Variants in TRPC4AP observed in about 807,000 individuals in gnomAD.
TRPC4AP encodes transient receptor potential cation channel subfamily C member 4 associated protein, also known as short transient receptor potential channel 4-associated protein.
In TRPC4AP, 45 loss-of-function variants were observed where a neutral mutation model predicts 99.0. The observed-to-expected ratio is 0.45, with a 90% CI of 0.36 to 0.58. The LOEUF (loss-of-function observed/expected upper bound fraction) is 0.58, where lower values mean the gene tolerates loss of function less well. TRPC4AP is among the 20% of genes least tolerant of loss of function. TRPC4AP has a pLI of 0.00. For synonymous variants in TRPC4AP, 408 were observed against 385.8 expected (o/e 1.06, Z -0.67); for missense variants, 879 against 985.3 (o/e 0.89, Z 1.44).
At chr20:35,085,600 G>C (rs1227459148) in intron 1 of TRPC4AP, among the ~76,000 whole-genome samples, 2 of 120,862 alleles carry the variant, frequency 1.7e-5, no homozygotes, top group Non-Finnish European at 3.3e-5. Context: ...AACAGAGCAA[G>C]ACCCTGTCTA....
chr20:35,062,610 T>C (rs895414510), intron 3 of TRPC4AP, among the ~76,000 whole-genome samples: 2 of 152,234 alleles, frequency 1.3e-5, no homozygotes, highest in Admixed American at 6.5e-5. Flanking sequence ...ACTCCATTTA[T>C]GTGAAATGTC....
At chr20:35,021,421 A>C in intron 8 of TRPC4AP, 65 bp from the exon 9 acceptor site, 3 of 1,569,624 alleles carry the variant, frequency 1.9e-6, no homozygotes, top group Middle Eastern at 2.2e-4. Context: ...CTGCCCCTCG[A>C]ACCTGCTCTG....
At chr20:35,007,280 A>G (rs1033406090) in intron 14 of TRPC4AP, among the ~76,000 whole-genome samples, 9 of 152,316 alleles carry the variant, frequency 5.9e-5, no homozygotes, top group African/African-American at 1.9e-4. Context: ...TTAGTACAAA[A>G]TATCTTCAGG....
chr20:35,014,335 T>TTTTG (rs10681837), intron 10 of TRPC4AP, among the ~76,000 whole-genome samples: 9 of 148,048 alleles, frequency 6.1e-5, no homozygotes, highest in African/African-American at 1.8e-4. Context: ...TTTTTTTTTT[T>TTTTG]GAGACACAGT....
At chr20:35,055,137 G>A in intron 4 of TRPC4AP, 106 bp from the exon 5 acceptor site, 1 of 979,950 alleles carries the variant, frequency 1.0e-6, no homozygotes, top group East Asian at 2.7e-5. Context: ...CCTCCAAGAT[G>A]ATTATTTTTC....
At chr20:35,085,523 G>A (rs1444446426) in intron 1 of TRPC4AP, among the ~76,000 whole-genome samples, 1 of 151,486 alleles carries the variant, frequency 6.6e-6, no homozygotes, top group African/African-American at 2.4e-5. Flanking sequence ...TGAGGTGGGA[G>A]GATTGCTTGA....
At chr20:35,085,797 C>A (rs1363699798) in intron 1 of TRPC4AP, among the ~76,000 whole-genome samples, 1 of 152,120 alleles carries the variant, frequency 6.6e-6, no homozygotes, top group Non-Finnish European at 1.5e-5. Context: ...ACCCTCTAAA[C>A]TGTCAACCTG....
In TRPC4AP at chr20:35,004,461, G is replaced by A. The variant is rs1205613617; in HGVS notation, c.2046C>T (p.Thr682=). The change falls in exon 17 of 19, where the codon ACC becomes ACT. Residue 682 remains threonine (T), a synonymous_variant. Transcript: ENST00000252015. ...TGTGTCTGCCGGGGCCTCTCACCTG[G>A]GTCAGCGTCTGCACGTGGATGATGT... The part of the protein sequence containing the change: ...LINIIHVQTL[T]QENVSCLNTS... 1 of 1,612,874 alleles carries A rather than the reference G, an allele frequency of 6.2e-7. No individual in the cohort carries two copies. Among genetic ancestry groups the A allele is most frequent in the Non-Finnish European group, 8.5e-7 (1 of 1,179,398 alleles).
intron 3 of TRPC4AP, among the ~76,000 whole-genome samples, chr20:35,062,965 T>C (rs1397539725): frequency 6.6e-6 from 1 of 152,192 alleles, no homozygotes; most frequent in Admixed American, 6.5e-5. Flanking sequence ...ATATGAAATA[T>C]CCGTAACAGG....
rs2082565148 is a variant in TRPC4AP at position 35,008,678 on chromosome 20, T to C, written c.1581A>G (p.Ala527=). The C allele has an allele frequency of 1.9e-6, 3 of 1,613,956 alleles. No individual in the cohort carries two copies. In the African/African-American group the frequency reaches 4.0e-5, roughly 22 times the overall value. Residue 527 remains alanine, a synonymous_variant, in exon 13 of 19, where the codon GCA becomes GCG. Coordinates refer to ENST00000252015, the MANE Select transcript of TRPC4AP (RefSeq NM_015638.3). The part of the protein sequence containing the change: ...RLLQVMKKEP[A]ESSFRFWQAR... ...CCCAGACTCACCTGAAAGACGACTC[T>C]GCTGGCTCCTTCTTCATGACCTGCA...
At chr20:35,026,587 T>C (rs1035367976) in intron 8 of TRPC4AP, among the ~76,000 whole-genome samples, 1 of 152,194 alleles carries the variant, frequency 6.6e-6, no homozygotes, top group Non-Finnish European at 1.5e-5. Context: ...GCTACTCCAT[T>C]TGTGCAAAGT....
At chr20:35,051,791 T>C (rs561579774) in intron 5 of TRPC4AP, among the ~76,000 whole-genome samples, 2 of 152,210 alleles carry the variant, frequency 1.3e-5, no homozygotes, top group Admixed American at 6.5e-5. Flanking sequence ...TAAAAATCTA[T>C]CTCCAGGCTG....
chr20:35,003,545 C>G lies in TRPC4AP; in HGVS notation c.2121G>C (p.Leu707=), dbSNP rs367754330. 4.3e-6 allele frequency: 7 copies of G among 1,613,462 alleles called. No individual in the cohort carries two copies. The highest frequency in any genetic ancestry group is 3.3e-5 in the Admixed American group (2 of 60,026). The part of the protein sequence containing the change: ...MLARRKERLP[L]YLRLLQRMEH... ...CCATCCGCTGCAGCAGCCGCAGGTA[C>G]AGGGGCAGCCGCTCTTTCCGTCGGG... The change falls in exon 18 of 19, where the codon CTG becomes CTC. Residue 707 remains leucine (L), a synonymous_variant. Coordinates refer to ENST00000252015, the MANE Select transcript of TRPC4AP (RefSeq NM_015638.3).
chr20:35,041,494 A>G (rs1015418510), intron 7 of TRPC4AP, among the ~76,000 whole-genome samples: 1 of 152,212 alleles, frequency 6.6e-6, no homozygotes, highest in South Asian at 2.1e-4. Context: ...TAGGCTAGTC[A>G]CACAGATATG....
intron 7 of TRPC4AP, among the ~76,000 whole-genome samples, chr20:35,040,379 G>A (rs2083419865): frequency 6.6e-6 from 1 of 152,150 alleles, no homozygotes; most frequent in Non-Finnish European, 1.5e-5. Flanking sequence ...AAAACAAAAA[G>A]GGATTCTCCC....
At chr20:35,090,364 T>C (rs1390403086) in intron 1 of TRPC4AP, among the ~76,000 whole-genome samples, 2 of 137,688 alleles carry the variant, frequency 1.5e-5, no homozygotes, top group Non-Finnish European at 3.1e-5. Context: ...CCAGCAGCCT[T>C]GTATCTGGTG....
intron 1 of TRPC4AP, among the ~76,000 whole-genome samples, chr20:35,091,569 T>A (rs1044136858): frequency 6.6e-6 from 1 of 152,162 alleles, no homozygotes; most frequent in African/African-American, 2.4e-5. Flanking sequence ...CCTTCAAACT[T>A]TTTATGAAAA....
rs764649117 is a variant in TRPC4AP, at chr20:35,014,314, A to ACTTT, written c.1351-1249_1351-1248insAAAG. On this transcript the variant is annotated intron_variant, in intron 10 of 18. Transcript: ENST00000252015. The stretch of plus-strand genomic sequence containing the variant: ...AAGTGGCTAGAGGGCCTCAGGCAGA[A>ACTTT]TTTTTTTTTTTTTTTTTTTTTGAGA... Among the ~76,000 whole-genome samples the ACTTT allele has an allele frequency of 2.7e-5, 3 of 113,190 alleles. No homozygotes were observed. The Admixed American group carries it at 3.1e-4, about 12-fold the overall frequency. 74.3% of individuals were successfully genotyped at this position (113,190 alleles called of 152,430 possible). A position where few individuals can be genotyped will look rare whatever the true frequency, so the allele number is the denominator to read the frequency against.
intron 8 of TRPC4AP, among the ~76,000 whole-genome samples, chr20:35,027,446 GTTGAAGATTT>G (rs1487502608): frequency 6.6e-6 from 1 of 152,146 alleles, no homozygotes; most frequent in Non-Finnish European, 1.5e-5. Context: ...CTAGTATTTT[GTTGAAGATTT>G]TTGCACCTAT....
Sources: allele counts gnomAD v4.1 joint callset (sites outside exome capture counted in the v4.1 genomes callset), GRCh38; gene constraint gnomAD v4.1.1; transcripts MANE v1.5; gene names NCBI Gene and HGNC (gene_info 2026-07-23, HGNC 2026-07-21).